SNTG1: variants seen among roughly 807,000 people sequenced by gnomAD.
The protein encoded by SNTG1 is syntrophin gamma 1, also known as gamma-1-syntrophin.
In SNTG1, 39 loss-of-function variants were observed where a neutral mutation model predicts 74.7. The ratio of observed to expected loss-of-function variants is 0.52; its 90% confidence interval spans 0.40 to 0.68. The LOEUF is 0.68. Among genes scored for constraint, SNTG1 ranks in the 30% least tolerant of loss-of-function variants. The pLI is 0.00. For missense variants in SNTG1, 685 were observed against 609.5 expected, an observed-to-expected ratio of 1.12 and a Z score of -1.30; for synonymous variants, 254 against 217.1, an observed-to-expected ratio of 1.17 and a Z score of -1.49.
At chr8:50,072,610 A>G (rs1414534441) in intron 1 of SNTG1, among the ~76,000 whole-genome samples, 1 of 152,206 alleles carries the variant, frequency 6.6e-6, no homozygotes, top group African/African-American at 2.4e-5. Context: ...AAGTTAATTC[A>G]GTGAGAAACA....
At chr8:50,332,265 A>T (rs2090994123) in intron 2 of SNTG1, among the ~76,000 whole-genome samples, 1 of 152,030 alleles carries the variant, frequency 6.6e-6, no homozygotes, top group South Asian at 2.1e-4. Context: ...CCTGCATGTG[A>T]TTGTCATTAT....
intron 9 of SNTG1, among the ~76,000 whole-genome samples, chr8:50,518,885 G>C (rs2094156046): frequency 6.6e-6 from 1 of 152,156 alleles, no homozygotes; most frequent in Non-Finnish European, 1.5e-5. Flanking sequence ...ACCAACAGGA[G>C]CTGGCACCAT....
chr8:50,585,730 T>C (rs748769251), intron 12 of SNTG1, among the ~76,000 whole-genome samples: 6 of 152,142 alleles, frequency 3.9e-5, no homozygotes, highest in Non-Finnish European at 7.4e-5. Context: ...AGACACTATA[T>C]TAATCATATG....
At chr8:50,715,662 C>G (rs1396217314) in intron 17 of SNTG1, among the ~76,000 whole-genome samples, 1 of 152,038 alleles carries the variant, frequency 6.6e-6, no homozygotes, top group Non-Finnish European at 1.5e-5. Flanking sequence ...ATTGAATATA[C>G]ATTAAAAGCA....
intron 1 of SNTG1, among the ~76,000 whole-genome samples, chr8:49,993,421 G>A (rs1385602157): frequency 6.6e-6 from 1 of 151,192 alleles, no homozygotes; most frequent in African/African-American, 2.4e-5. Flanking sequence ...CTAAGTTCTG[G>A]GATACATGTG....
chr8:50,304,071 G>T (rs11989092), intron 2 of SNTG1, among the ~76,000 whole-genome samples: 10,538 of 152,218 alleles, frequency 0.069, 407 homozygotes, highest in African/African-American at 0.085. Context: ...ATTACCATAT[G>T]ATGGAATTAA....
chr8:50,136,488 G>A (rs1049201021), intron 1 of SNTG1, among the ~76,000 whole-genome samples: 8 of 152,030 alleles, frequency 5.3e-5, no homozygotes, highest in Non-Finnish European at 1.5e-5. Context: ...GTTTTGATTT[G>A]TATTTCTCTA....
At chr8:50,355,329 A>G (rs2091788474) in intron 2 of SNTG1, among the ~76,000 whole-genome samples, 1 of 152,164 alleles carries the variant, frequency 6.6e-6, no homozygotes, top group South Asian at 2.1e-4. Context: ...TGACAGGCAT[A>G]TATTTCTAAT....
At chr8:50,658,448 TC>T (rs2095197445) in intron 14 of SNTG1, 143 bp from the exon 15 acceptor site, 3 of 524,038 alleles carry the variant, frequency 5.7e-6, no homozygotes, top group Non-Finnish European at 1.0e-5. Flanking sequence ...TTATGTAGGG[TC>T]CTTTATGAGC....
chr8:49,956,069 ACATAC>A, intron 1 of SNTG1, among the ~76,000 whole-genome samples: 1 of 152,348 alleles, frequency 6.6e-6, no homozygotes, highest in African/African-American at 2.4e-5. Context: ...CTGAAGTGTT[ACATAC>A]ATCAATTGCT....
intron 17 of SNTG1, among the ~76,000 whole-genome samples, chr8:50,710,874 C>G (rs879314304): frequency 6.6e-6 from 1 of 152,158 alleles, no homozygotes; most frequent in Non-Finnish European, 1.5e-5. Flanking sequence ...GCACCAGAGG[C>G]CTTCAGGAAT....
chr8:50,226,386 T>G (rs2085329432), intron 2 of SNTG1, among the ~76,000 whole-genome samples: 1 of 152,204 alleles, frequency 6.6e-6, no homozygotes, highest in Non-Finnish European at 1.5e-5. Flanking sequence ...ACTCTGTATC[T>G]GTAAAGAATC....
intron 18 of SNTG1, among the ~76,000 whole-genome samples, chr8:50,769,072 T>G (rs1258410072): frequency 6.6e-6 from 1 of 151,920 alleles, no homozygotes; most frequent in Non-Finnish European, 1.5e-5. Flanking sequence ...ATATTTTTTC[T>G]CCTTGCATAT....
At chr8:50,514,795 G>T (rs1229477244) in intron 9 of SNTG1, among the ~76,000 whole-genome samples, 14 of 152,024 alleles carry the variant, frequency 9.2e-5, no homozygotes, top group Non-Finnish European at 2.1e-4. Flanking sequence ...TCTGTGTAGT[G>T]GTTCTATAAA....
intron 17 of SNTG1, among the ~76,000 whole-genome samples, chr8:50,735,158 A>G (rs2095525049): frequency 6.6e-6 from 1 of 151,580 alleles, no homozygotes; most frequent in Admixed American, 6.6e-5. Flanking sequence ...CCTGCCCGAC[A>G]TATTGGATTT....
intron 16 of SNTG1, 138 bp downstream of exon 16, chr8:50,704,890 A>G: frequency 9.9e-7 from 1 of 1,006,812 alleles, no homozygotes; most frequent in Non-Finnish European, 1.4e-6. Flanking sequence ...ATAATTAGCC[A>G]TTTTTGTTTA....
At chr8:50,212,614 A>C (rs187173867) in intron 2 of SNTG1, among the ~76,000 whole-genome samples, 3 of 152,212 alleles carry the variant, frequency 2.0e-5, no homozygotes, top group Non-Finnish European at 4.4e-5. Flanking sequence ...GAAAATGATA[A>C]GTATTCTGTT....
intron 1 of SNTG1, among the ~76,000 whole-genome samples, chr8:50,133,755 T>C (rs907008743): frequency 6.6e-6 from 1 of 152,200 alleles, no homozygotes; most frequent in Non-Finnish European, 1.5e-5. Flanking sequence ...ATAAGTCATG[T>C]TGGATTCAGG....
At chr8:50,283,025 G>A (rs571073672) in intron 2 of SNTG1, among the ~76,000 whole-genome samples, 13 of 152,088 alleles carry the variant, frequency 8.5e-5, no homozygotes, top group Admixed American at 3.9e-4. Context: ...TTCAACAATC[G>A]TTTTTACAAA....
Sources: gnomAD v4.1 joint callset for allele counts (sites outside exome capture counted in the v4.1 genomes callset) on GRCh38, gnomAD v4.1.1 for gene constraint, MANE v1.5 for transcripts, NCBI Gene and HGNC (gene_info 2026-07-23, HGNC 2026-07-21) for gene names.